The following CDH7 variants were observed in gnomAD, a reference collection of about 807,000 sequenced individuals.
CDH7 encodes cadherin 7.
A neutral mutation model predicts 71.8 loss-of-function variants in CDH7; 25 were observed. That is an observed-to-expected ratio of 0.35 (90% CI 0.25 to 0.49). The LOEUF is 0.49. CDH7 is among the 20% of genes least tolerant of loss of function. The pLI is 0.99. For synonymous variants in CDH7, 381 were observed against 363.8 expected (o/e 1.05, Z -0.54); for missense variants, 862 against 974.6 (o/e 0.88, Z 1.54).
chr18:65,868,085 T>G (rs1285718452), intron 11 of CDH7, among the ~76,000 whole-genome samples: 1 of 150,190 alleles, frequency 6.7e-6, no homozygotes, highest in Non-Finnish European at 1.5e-5. Context: ...GGCAGCACTA[T>G]GTAAAAAAAT....
chr18:65,793,505 T>C (rs1364793299), intron 2 of CDH7, among the ~76,000 whole-genome samples: 1 of 151,448 alleles, frequency 6.6e-6, no homozygotes, highest in East Asian at 1.9e-4. Context: ...AAAACAGAAA[T>C]ATTTCTCTCT....
chr18:65,773,022 C>T (rs915480614), intron 2 of CDH7, among the ~76,000 whole-genome samples: 2 of 152,150 alleles, frequency 1.3e-5, no homozygotes, highest in Non-Finnish European at 2.9e-5. Context: ...TCTCTGTTAA[C>T]TCTGGGTACA....
At chr18:65,758,853 G>C (rs947830617) in intron 1 of CDH7, among the ~76,000 whole-genome samples, 1 of 152,180 alleles carries the variant, frequency 6.6e-6, no homozygotes, top group Admixed American at 6.5e-5. Context: ...AATGGTTTCC[G>C]AATGTCAATT....
intron 2 of CDH7, chr18:65,803,402 C>T (rs113111727): frequency 7.2e-5 from 11 of 152,254 alleles, no homozygotes; most frequent in African/African-American, 1.9e-4. Context: ...TTACCATTAC[C>T]TATGCACTTC....
chr18:65,857,617 CAT>C (rs1376812833), intron 7 of CDH7, among the ~76,000 whole-genome samples, 197 bp from the exon 8 acceptor site: 1 of 152,060 alleles, frequency 6.6e-6, no homozygotes, highest in East Asian at 1.9e-4. Flanking sequence ...GAAAAGCAAA[CAT>C]ATTAGTGAGA....
intron 2 of CDH7, among the ~76,000 whole-genome samples, chr18:65,790,207 T>G (rs1229608530): frequency 9.3e-6 from 1 of 107,558 alleles, no homozygotes; most frequent in Non-Finnish European, 1.7e-5. Context: ...GGTGACAGAG[T>G]AAGACTCTCT....
intron 2 of CDH7, among the ~76,000 whole-genome samples, chr18:65,768,422 A>G (rs1916443149): frequency 1.3e-5 from 2 of 152,096 alleles, no homozygotes; most frequent in Admixed American, 6.5e-5. Flanking sequence ...TTTAGTAGAG[A>G]CGAGGGTTTC....
In CDH7 at chr18:65,884,892, A is replaced by T. The variant is rs1332479736; in HGVS notation, c.*3998A>T. ...TTAAAGTTTTATTTACAGTTGACCTAATCCAATTGAAGTTGATGAAAGCTT... is the reference window on the plus strand; with the variant it reads ...TTAAAGTTTTATTTACAGTTGACCTTATCCAATTGAAGTTGATGAAAGCTT... On this transcript the variant is annotated 3_prime_UTR_variant, in exon 12 of 12. Transcript: ENST00000397968. 1 of 152,204 alleles carries T rather than the reference A, an allele frequency of 6.6e-6. No homozygotes were observed. The highest frequency in any genetic ancestry group is 1.5e-5 in the Non-Finnish European group (1 of 68,028). 9.4% of individuals were successfully genotyped at this position (152,204 alleles called of 1,614,324 possible).
chr18:65,781,918 CTCTT>C (rs1404394506), intron 2 of CDH7, among the ~76,000 whole-genome samples: 3 of 105,854 alleles, frequency 2.8e-5, no homozygotes, highest in Non-Finnish European at 3.6e-5. Context: ...CTCTCTTTCT[CTCTT>C]TCTCTCTCTC....
intron 2 of CDH7, among the ~76,000 whole-genome samples, chr18:65,783,720 G>A (rs1013962643): frequency 6.6e-6 from 1 of 152,102 alleles, no homozygotes; most frequent in Admixed American, 6.6e-5. Context: ...TATTTTATTA[G>A]TCTAACCTTT....
At chr18:65,805,774 C>T (rs1911294752) in intron 2 of CDH7, among the ~76,000 whole-genome samples, 1 of 152,144 alleles carries the variant, frequency 6.6e-6, no homozygotes, top group African/African-American at 2.4e-5. Context: ...TATGATATCT[C>T]AGTGTTATCT....
At chr18:65,869,986 TAACTC>T (rs2144052897) in intron 11 of CDH7, among the ~76,000 whole-genome samples, 1 of 152,288 alleles carries the variant, frequency 6.6e-6, no homozygotes, top group East Asian at 1.9e-4. Context: ...TCTATCTCCT[TAACTC>T]TACAGAAAAA....
rs1397874939 is a variant in CDH7 at position 65,842,831 on chromosome 18, T to G, written c.982-981T>G. 1.3e-4 allele frequency among the ~76,000 whole-genome samples: 17 copies of G among 132,876 alleles called. No individual in the cohort carries two copies. In the South Asian group the frequency reaches 2.3e-3, roughly 18 times the overall value. 87.2% of individuals were successfully genotyped at this position (132,876 alleles called of 152,430 possible). On this transcript the variant is annotated intron_variant, in intron 6 of 11. Transcript: ENST00000397968. ...ACAACTAAGTCAAGTATGTATTATA[T>G]TTTTCAGTATTCCTGTAAAGTTTTT...
rs1406539067 is a variant in CDH7 at position 65,779,943 on chromosome 18, C to A, written c.210+16891C>A. Among the ~76,000 whole-genome samples the A allele has an allele frequency of 9.5e-5, 9 of 94,760 alleles. 2 individuals carry two copies. Among genetic ancestry groups the A allele is most frequent in the Admixed American group, 2.8e-4 (3 of 10,644 alleles). The allele number at this position is 94,760 out of a possible 152,430, so 62.2% of individuals were successfully genotyped here. A position where few individuals can be genotyped will look rare whatever the true frequency, so the allele number is the denominator to read the frequency against. On this transcript the variant is annotated intron_variant, in intron 2 of 11. Transcript: ENST00000397968. ...CAACAGTGTAAAAGTGTTCCTATTT[C>A]TCCACATCCTCTCCAGCACCTGTTG... is the stretch of plus-strand genomic sequence containing the variant.
intron 2 of CDH7, among the ~76,000 whole-genome samples, chr18:65,786,246 G>A (rs1220816131): frequency 6.6e-6 from 1 of 151,652 alleles, no homozygotes; most frequent in Non-Finnish European, 1.5e-5. Flanking sequence ...ATTGACAAAT[G>A]ACATTAGAAG....
intron 11 of CDH7, among the ~76,000 whole-genome samples, chr18:65,870,022 A>G (rs969462088): frequency 6.6e-6 from 1 of 152,230 alleles, no homozygotes; most frequent in Non-Finnish European, 1.5e-5. Context: ...ACAGATTAAA[A>G]GAATTTAAAT....
chr18:65,818,915 CA>C (rs1267912915), intron 4 of CDH7, among the ~76,000 whole-genome samples: 10 of 152,146 alleles, frequency 6.6e-5, no homozygotes, highest in Non-Finnish European at 1.3e-4. Context: ...TGGTGATGGC[CA>C]TACCAAATGG....
rs1490834962 is a variant in CDH7 at position 65,883,575 on chromosome 18, A to G, written c.*2681A>G. 6.6e-6 allele frequency: 1 copy of G among 152,044 alleles called. No homozygotes were observed. The highest frequency in any genetic ancestry group is 1.5e-5 in the Non-Finnish European group (1 of 67,946). The allele number at this position is 152,044 out of a possible 1,614,324, so 9.4% of individuals were successfully genotyped here. ...AAACCAACTAGAATGAGCTCACAGG[A>G]ACTAATTCTTCATATCTCTTCCCAA... On this transcript the variant is annotated 3_prime_UTR_variant, in exon 12 of 12. Coordinates refer to ENST00000397968, the MANE Select transcript of CDH7 (RefSeq NM_004361.5).
At chr18:65,841,909 C>G (rs1912747222) in intron 6 of CDH7, among the ~76,000 whole-genome samples, 1 of 152,040 alleles carries the variant, frequency 6.6e-6, no homozygotes, top group Non-Finnish European at 1.5e-5. Flanking sequence ...AAATGTTAGC[C>G]TCATAAAAAT....
Sources: allele counts gnomAD v4.1 joint callset (sites outside exome capture counted in the v4.1 genomes callset), GRCh38; gene constraint gnomAD v4.1.1; transcripts MANE v1.5; gene names NCBI Gene and HGNC (gene_info 2026-07-23, HGNC 2026-07-21).